Variants in EML6 observed in about 807,000 individuals in gnomAD.
EML6 encodes echinoderm microtubule-associated protein-like 6.
In EML6, 154 loss-of-function variants were observed where a neutral mutation model predicts 240.1. The observed-to-expected ratio is 0.64, with a 90% CI of 0.56 to 0.73. EML6 has a LOEUF of 0.73. Ranked by LOEUF, EML6 falls within the 30% of genes least tolerant of loss-of-function variation. EML6 has a pLI of 0.00. For synonymous variants in EML6, 1,148 were observed against 899.0 expected, an observed-to-expected ratio of 1.28 and a Z score of -4.95; for missense variants, 2,964 against 2,474.6, an observed-to-expected ratio of 1.20 and a Z score of -4.20.
At chr2:54,922,527 A>C (rs886192654) in intron 26 of EML6, among the ~76,000 whole-genome samples, 4 of 152,334 alleles carry the variant, frequency 2.6e-5, no homozygotes, top group East Asian at 3.9e-4. Flanking sequence ...TGATTCAGTA[A>C]TCCCACTTCT....
At chr2:54,966,127 A>G (rs887029810) in intron 38 of EML6, among the ~76,000 whole-genome samples, 4 of 152,258 alleles carry the variant, frequency 2.6e-5, no homozygotes, top group Non-Finnish European at 5.9e-5. Flanking sequence ...GACAAGCACT[A>G]AACAGACAAT....
chr2:54,821,744 C>A (rs1475475338), intron 5 of EML6, among the ~76,000 whole-genome samples: 1 of 152,036 alleles, frequency 6.6e-6, no homozygotes, highest in East Asian at 1.9e-4. Context: ...AATAGCATCT[C>A]TAACTGGCAG....
intron 2 of EML6, among the ~76,000 whole-genome samples, chr2:54,779,309 T>G (rs953826513): frequency 6.6e-6 from 1 of 150,546 alleles, no homozygotes; most frequent in African/African-American, 2.5e-5. Context: ...GAGGCCAAGG[T>G]GGGCAGATCA....
chr2:54,799,966 C>G (rs1670031608), intron 2 of EML6, among the ~76,000 whole-genome samples: 1 of 152,172 alleles, frequency 6.6e-6, no homozygotes, highest in Non-Finnish European at 1.5e-5. Flanking sequence ...GGGGTTTCGG[C>G]CAGGTGTGGT....
intron 2 of EML6, among the ~76,000 whole-genome samples, chr2:54,749,365 CTT>C (rs1417849097): frequency 2.6e-5 from 4 of 152,006 alleles, no homozygotes; most frequent in Admixed American, 6.6e-5. Context: ...ATATAATAAT[CTT>C]ATATTCAAAT....
At chr2:54,825,963 T>G (rs1668571146) in intron 5 of EML6, among the ~76,000 whole-genome samples, 1 of 152,204 alleles carries the variant, frequency 6.6e-6, no homozygotes, top group African/African-American at 2.4e-5. Context: ...TCTTCCTCAC[T>G]GCTGATCCAA....
chr2:54,860,369 G>A (rs181277295), intron 12 of EML6, among the ~76,000 whole-genome samples: 1 of 152,320 alleles, frequency 6.6e-6, no homozygotes, highest in African/African-American at 2.4e-5. Flanking sequence ...ATCCCCTGGA[G>A]CAGTTCTGAG....
intron 26 of EML6, among the ~76,000 whole-genome samples, chr2:54,926,110 T>A (rs1393943309): frequency 5.3e-5 from 8 of 152,148 alleles, no homozygotes; most frequent in Non-Finnish European, 2.9e-5. Context: ...TATTCCAGAT[T>A]TTTTTTGTTT....
At chr2:54,931,724 A>G (rs897659823) in intron 28 of EML6, among the ~76,000 whole-genome samples, 2 of 152,202 alleles carry the variant, frequency 1.3e-5, no homozygotes, top group African/African-American at 4.8e-5. Flanking sequence ...GGAGACGAGT[A>G]CTTGAGGACT....
intron 9 of EML6, among the ~76,000 whole-genome samples, chr2:54,848,075 G>T (rs1050451365): frequency 4.6e-5 from 7 of 152,072 alleles, no homozygotes; most frequent in Non-Finnish European, 8.8e-5. Context: ...AGTAAGCCAA[G>T]AAAAGAGGAA....
intron 2 of EML6, among the ~76,000 whole-genome samples, chr2:54,789,527 AAAAAAAAAAAAAAAAAAAAAAG>A (rs1466653867): frequency 7.1e-6 from 1 of 140,136 alleles, no homozygotes; most frequent in Non-Finnish European, 1.5e-5. Context: ...AAAAAAAAAA[AAAAAAAAAAAAAAAAAAAAAAG>A]AAAAAGAATG....
Position 54,725,387 on chromosome 2 carries a change from T to A in EML6, c.197+129T>A. The A allele has an allele frequency of 1.6e-6, 1 of 643,654 alleles. No homozygotes were observed. Among genetic ancestry groups the A allele is most frequent in the Non-Finnish European group, 2.4e-6 (1 of 414,032 alleles). The allele number at this position is 643,654 out of a possible 1,614,324, so 39.9% of individuals were successfully genotyped here. On this transcript the variant is annotated intron_variant, in intron 2 of 41. Coordinates refer to ENST00000356458, the MANE Select transcript of EML6 (RefSeq NM_001039753.4). This position sits in a 1 kb window ranked among gnomAD's most constrained non-coding sequence, Gnocchi z 4.3. ...GATTCTCTCTGGAGCCGCATGGAAT[T>A]ACTGAAGGGCTGCTGATTCTAGGGC...
At chr2:54,874,488 C>A (rs533892511) in intron 16 of EML6, among the ~76,000 whole-genome samples, 2 of 152,312 alleles carry the variant, frequency 1.3e-5, no homozygotes, top group Admixed American at 6.5e-5. Context: ...AGATAACAAT[C>A]ACTGGGAAAG....
At chr2:54,809,505 G>A (rs1667716088) in intron 2 of EML6, among the ~76,000 whole-genome samples, 1 of 152,130 alleles carries the variant, frequency 6.6e-6, no homozygotes. Context: ...TAATCTGCTG[G>A]TTGACTAACA....
chr2:54,910,071 T>A (rs1025503832), intron 24 of EML6, among the ~76,000 whole-genome samples: 4 of 152,108 alleles, frequency 2.6e-5, no homozygotes, highest in African/African-American at 9.7e-5. Flanking sequence ...GGTGAAATAT[T>A]ATGACGTCTG....
At chr2:54,955,963 A>T (rs1463245410) in intron 32 of EML6, among the ~76,000 whole-genome samples, 1 of 152,204 alleles carries the variant, frequency 6.6e-6, no homozygotes, top group Admixed American at 6.5e-5. Flanking sequence ...CATTTTATGT[A>T]TCACTAGAGA....
At chr2:54,898,633 T>G (rs1672896126) in intron 21 of EML6, among the ~76,000 whole-genome samples, 1 of 152,242 alleles carries the variant, frequency 6.6e-6, no homozygotes, top group Non-Finnish European at 1.5e-5. Flanking sequence ...AGCTTCTCAG[T>G]TAAATTGGAA....
At chr2:54,739,276 T>C (rs186974906) in intron 2 of EML6, among the ~76,000 whole-genome samples, 1 of 152,342 alleles carries the variant, frequency 6.6e-6, no homozygotes, top group East Asian at 1.9e-4. Context: ...ATATACCTGA[T>C]GTTTGAGATA....
chr2:54,823,089 G>T (rs1668404622), intron 5 of EML6, among the ~76,000 whole-genome samples: 2 of 152,162 alleles, frequency 1.3e-5, no homozygotes, highest in African/African-American at 4.8e-5. Context: ...ATTTGAGTTT[G>T]TACTAGGTGA....
Sources: allele counts gnomAD v4.1 joint callset (sites outside exome capture counted in the v4.1 genomes callset), GRCh38; gene constraint gnomAD v4.1.1; non-coding constraint Gnocchi (gnomAD v3.1); transcripts MANE v1.5; gene names NCBI Gene and HGNC (gene_info 2026-07-23, HGNC 2026-07-21).